Variants in DNA2 observed in about 807,000 individuals in gnomAD.
DNA2 encodes DNA replication ATP-dependent helicase/nuclease DNA2.
Under a neutral mutation model 119.1 loss-of-function variants are expected in DNA2, and 101 were observed. That is an observed-to-expected ratio of 0.85 (90% CI 0.72 to 1.00). DNA2 has a LOEUF of 1.00. Ranked by LOEUF, DNA2 falls within the 50% of genes least tolerant of loss-of-function variation. The pLI is 0.00. For missense variants in DNA2, 1,121 were observed against 1,255.5 expected (o/e 0.89, Z 1.62); for synonymous variants, 366 against 424.4 (o/e 0.86, Z 1.69).
chr10:68,442,436 G>C (rs1037420758), intron 9 of DNA2, among the ~76,000 whole-genome samples: 2 of 151,352 alleles, frequency 1.3e-5, no homozygotes, highest in Non-Finnish European at 2.9e-5. Context: ...GCCCAGGCTG[G>C]AGTGCAATGG....
At chr10:68,449,474 G>C (rs906027279) in intron 6 of DNA2, among the ~76,000 whole-genome samples, 1 of 151,848 alleles carries the variant, frequency 6.6e-6, no homozygotes, top group Non-Finnish European at 1.5e-5. Flanking sequence ...TCAATATTTC[G>C]TACACAATTA....
Position 68,471,891 on chromosome 10 carries a change from G to C in DNA2, c.-27C>G. Reference sequence around the variant, plus strand: ...CTGGACGCGGGGATCGCAAACTGTAGACAGAAAAGACAGCGGAACCGGGGG... The same window carrying C: ...CTGGACGCGGGGATCGCAAACTGTACACAGAAAAGACAGCGGAACCGGGGG... On this transcript the variant is annotated 5_prime_UTR_variant, in exon 1 of 21. Coordinates refer to ENST00000358410, the MANE Select transcript of DNA2 (RefSeq NM_001080449.3). 1 of 1,613,926 alleles carries C rather than the reference G, an allele frequency of 6.2e-7. No individual in the cohort carries two copies. The highest frequency in any genetic ancestry group is 8.5e-7 in the Non-Finnish European group (1 of 1,179,810).
intron 10 of DNA2, among the ~76,000 whole-genome samples, chr10:68,436,326 C>A (rs1250995920): frequency 2.6e-5 from 4 of 152,094 alleles, no homozygotes; most frequent in Admixed American, 6.6e-5. Context: ...CACAAAAGGT[C>A]ACGTATTGTA....
In DNA2 at chr10:68,469,106, T is replaced by A. The variant is rs1300770053; in HGVS notation, c.258-800A>T. The stretch of plus-strand genomic sequence containing the variant: ...TCACGGCTTAGACGAAGAGTCAAAG[T>A]TAGACCTCTAGCTTTTCTGCATCTA... On this transcript the variant is annotated intron_variant, in intron 2 of 20. Transcript: ENST00000358410. Among the ~76,000 whole-genome samples, 3 of 151,908 alleles carry A rather than the reference T, an allele frequency of 2.0e-5. No homozygotes were observed. In the South Asian group the frequency reaches 6.3e-4, roughly 32 times the overall value.
chr10:68,457,789 G>A (rs1010406901), intron 5 of DNA2, among the ~76,000 whole-genome samples: 2 of 149,350 alleles, frequency 1.3e-5, no homozygotes, highest in African/African-American at 4.9e-5. Flanking sequence ...AGCATTAAAT[G>A]GCTAAACACA....
chr10:68,446,074 A>G (rs1489887389), intron 7 of DNA2, among the ~76,000 whole-genome samples: 1 of 152,160 alleles, frequency 6.6e-6, no homozygotes, highest in Non-Finnish European at 1.5e-5. Flanking sequence ...CAATGAACCA[A>G]GATTGTGCCA....
upstream of DNA2, chr10:68,472,227 T>G (rs2133456469): frequency 2.1e-5 from 25 of 1,215,402 alleles, no homozygotes; most frequent in South Asian, 3.9e-4. Flanking sequence ...CCCAAGTAGC[T>G]GGGACTACAG....
chr10:68,470,284 G>T, intron 1 of DNA2, 121 bp from the exon 2 acceptor site: 1 of 855,544 alleles, frequency 1.2e-6, no homozygotes, highest in Non-Finnish European at 1.7e-6. Context: ...AAAGCTTATT[G>T]CAATGACATT....
intron 14 of DNA2, among the ~76,000 whole-genome samples, chr10:68,425,801 T>C (rs1438809480): frequency 6.7e-6 from 1 of 149,930 alleles, no homozygotes; most frequent in East Asian, 1.9e-4. Flanking sequence ...GGGAAATGTT[T>C]CATAATTCAA....
intron 6 of DNA2, among the ~76,000 whole-genome samples, chr10:68,449,690 G>A (rs2052092009): frequency 6.6e-6 from 1 of 152,152 alleles, no homozygotes; most frequent in Non-Finnish European, 1.5e-5. Flanking sequence ...TTGGGAGGCT[G>A]AGGAAGGCAG....
intron 3 of DNA2, among the ~76,000 whole-genome samples, chr10:68,466,580 C>A (rs1221888296): frequency 1.5e-5 from 2 of 137,442 alleles, no homozygotes; most frequent in Admixed American, 1.5e-4. Flanking sequence ...TAGCCTAGAC[C>A]TTTTTTTTTT....
At position 68,460,030 on chromosome 10, in the gene DNA2, T is replaced by TACAAACACAC. The variant is rs1554909244; in HGVS notation, c.588-796_588-795insGTGTGTTTGT. Among the ~76,000 whole-genome samples, 801 of 145,688 alleles carry TACAAACACAC rather than the reference T, an allele frequency of 5.5e-3. 6 individuals are homozygous for TACAAACACAC. The highest frequency in any genetic ancestry group is 0.019 in the African/African-American group (740 of 39,338). On this transcript the variant is annotated intron_variant, in intron 4 of 20. Coordinates refer to ENST00000358410, the MANE Select transcript of DNA2 (RefSeq NM_001080449.3). Reference sequence around the variant, plus strand: ...CAAGAGAGCAAGACTCCATCACAAATACACACACACACACACACACACACA... The same window carrying TACAAACACAC: ...CAAGAGAGCAAGACTCCATCACAAATACAAACACACACACACACACACACACACACACACA...
chr10:68,432,138 A>G (rs2133379477), intron 12 of DNA2, 68 bp downstream of exon 12: 1 of 1,211,000 alleles, frequency 8.3e-7, no homozygotes, highest in South Asian at 1.4e-5. Context: ...TCAAGATATT[A>G]GACTACAGTA....
At chr10:68,466,857 G>A (rs1349240649) in intron 3 of DNA2, among the ~76,000 whole-genome samples, 1 of 152,066 alleles carries the variant, frequency 6.6e-6, no homozygotes, top group Non-Finnish European at 1.5e-5. Context: ...GGGATTACAG[G>A]CGTGAGCCAC....
Position 68,450,134 on chromosome 10 carries a change from A to AC in DNA2, c.832dup (p.Val278GlyfsTer12), listed in dbSNP as rs748143320. ...TCGATGTATTTTCACACCAACTGTA[A>AC]CATCTATTTTGCCTTTCAATCCAAA... On this transcript the variant is annotated frameshift_variant, in exon 6 of 21. Coordinates refer to ENST00000358410, the MANE Select transcript of DNA2 (RefSeq NM_001080449.3). LOFTEE classifies it high-confidence loss of function. The AC allele has an allele frequency of 1.2e-6, 2 of 1,607,894 alleles. No homozygotes were observed. Among genetic ancestry groups the AC allele is most frequent in the Non-Finnish European group, 1.7e-6 (2 of 1,176,740 alleles).
chr10:68,452,243 C>A (rs1048044540), intron 5 of DNA2, among the ~76,000 whole-genome samples: 1 of 151,580 alleles, frequency 6.6e-6, no homozygotes, highest in Non-Finnish European at 1.5e-5. Flanking sequence ...CCACCACACC[C>A]CACTAATTAT....
Position 68,465,816 on chromosome 10 carries a change from CA to C in DNA2, c.442-5del. ...GGCGTGTGGCTGGATCAGAGCTCTA[CA>C]AAAGCAAATCACACAGTTTATTTCA... On this transcript the variant is annotated splice_polypyrimidine_tract_variant and splice_region_variant and intron_variant, in intron 3 of 20. Coordinates refer to ENST00000358410, the MANE Select transcript of DNA2 (RefSeq NM_001080449.3). 6.6e-7 allele frequency: 1 copy of C among 1,522,918 alleles called. No homozygotes were observed. Among genetic ancestry groups the C allele is most frequent in the South Asian group, 1.3e-5 (1 of 74,406 alleles). The allele number at this position is 1,522,918 out of a possible 1,614,324, so 94.3% of individuals were successfully genotyped here.
At chr10:68,444,720 C>T (rs1227201213) in intron 8 of DNA2, among the ~76,000 whole-genome samples, 1 of 96,472 alleles carries the variant, frequency 1.0e-5, no homozygotes, top group Non-Finnish European at 2.2e-5. Context: ...GCAAAAAGTC[C>T]GTCTCAAAAA....
At chr10:68,446,458 G>C (rs1428362676) in intron 6 of DNA2, 45 bp from the exon 7 acceptor site, 1 of 1,176,676 alleles carries the variant, frequency 8.5e-7, no homozygotes, top group South Asian at 1.4e-5. Context: ...ATAACTTCTT[G>C]TATTTCCTTA....
Sources: allele counts gnomAD v4.1 joint callset (sites outside exome capture counted in the v4.1 genomes callset), GRCh38; gene constraint gnomAD v4.1.1; transcripts MANE v1.5; gene names NCBI Gene and HGNC (gene_info 2026-07-23, HGNC 2026-07-21).